Variants in DOCK10 observed in about 807,000 individuals in gnomAD.
The protein encoded by DOCK10 is dedicator of cytokinesis protein 10.
Under a neutral mutation model 280.1 loss-of-function variants are expected in DOCK10, and 145 were observed. That is an observed-to-expected ratio of 0.52 (90% CI 0.45 to 0.59). The LOEUF is 0.59. Among genes scored for constraint, DOCK10 ranks in the 20% least tolerant of loss-of-function variants. The probability of loss-of-function intolerance (pLI) is 0.00; values close to 1 mark genes in which losing one functional copy is unlikely to be tolerated. For synonymous variants in DOCK10, 915 were observed against 942.2 expected (o/e 0.97, Z 0.53); for missense variants, 2,368 against 2,651.7 (o/e 0.89, Z 2.35).
At chr2:225,015,852 C>G (rs191582594) in intron 1 of DOCK10, among the ~76,000 whole-genome samples, 44 of 152,084 alleles carry the variant, frequency 2.9e-4, no homozygotes, top group Admixed American at 1.2e-3. Context: ...TTGTATTTAC[C>G]TTTACATTTG....
intron 1 of DOCK10, among the ~76,000 whole-genome samples, chr2:224,955,615 A>T (rs1013148052): frequency 2.0e-5 from 3 of 152,324 alleles, no homozygotes; most frequent in East Asian, 3.9e-4. Context: ...CAATACTTTG[A>T]TTTAAGTGTT....
At chr2:224,870,331 C>A (rs1309108277) in intron 11 of DOCK10, among the ~76,000 whole-genome samples, 2 of 152,172 alleles carry the variant, frequency 1.3e-5, no homozygotes. Flanking sequence ...TTGGGTATGT[C>A]TTTCTTAGCA....
Position 224,789,128 on chromosome 2 carries a change from G to T in DOCK10, c.5354C>A (p.Pro1785Gln), listed in dbSNP as rs115694631. The change falls in exon 48 of 56, where the codon CCA (proline) becomes CAA (glutamine). Residue 1785 changes from proline (P) to glutamine (Q), a missense_variant. Physicochemically the swap from Pro to Gln is moderately conservative, Grantham distance 76. This residue lies in a region of DOCK10 where 1,159 missense variants were observed against 1,400.8 expected (regional missense o/e 0.83). Transcript: ENST00000258390. ...CATCGCTCCTTCTTCCTTAATGTTT[G>T]GTGTAATGCTCAAAAAAGCTGGCCA... ...MGWPAFLSITPNIKEEGAMKE... is the reference protein window; with the variant it reads ...MGWPAFLSITQNIKEEGAMKE... 2,488 of 1,613,568 alleles carry T rather than the reference G, an allele frequency of 1.5e-3. 38 individuals are homozygous for T. The African/African-American group carries it at 0.028, about 18-fold the overall frequency.
chr2:224,776,930 T>C (rs1466251822), intron 51 of DOCK10, among the ~76,000 whole-genome samples: 2 of 152,216 alleles, frequency 1.3e-5, no homozygotes, highest in Non-Finnish European at 2.9e-5. Flanking sequence ...CTTGTACAAC[T>C]TGGACTTTGA....
intron 28 of DOCK10, among the ~76,000 whole-genome samples, chr2:224,821,700 A>G (rs1006727557): frequency 7.9e-5 from 12 of 152,190 alleles, no homozygotes; most frequent in African/African-American, 2.4e-4. Context: ...TTTAGGGAAG[A>G]ATATTTCAGA....
chr2:224,940,251 T>C (rs1399694681), intron 1 of DOCK10, among the ~76,000 whole-genome samples: 1 of 152,214 alleles, frequency 6.6e-6, no homozygotes, highest in Non-Finnish European at 1.5e-5. Context: ...TGAGCTTCTC[T>C]AAGTCCATTC....
At chr2:224,903,003 C>T (rs1700389157) in intron 3 of DOCK10, among the ~76,000 whole-genome samples, 1 of 152,028 alleles carries the variant, frequency 6.6e-6, no homozygotes, top group African/African-American at 2.4e-5. Flanking sequence ...GAGGCTGAGG[C>T]GGGAGAACGG....
Position 224,794,804 on chromosome 2 carries a change from G to C in DOCK10, c.5154+75C>G, listed in dbSNP as rs557523171. 3.2e-5 allele frequency: 45 copies of C among 1,405,162 alleles called. No homozygotes were observed. The South Asian group carries it at 5.4e-4, about 17-fold the overall frequency. 87.0% of individuals were successfully genotyped at this position (1,405,162 alleles called of 1,614,324 possible). ...AACATGGCATCCTTTTCTAGTCCAT[G>C]CTGTAAATGAAAATCCAATTTTCCT... On this transcript the variant is annotated intron_variant, in intron 45 of 55. Transcript: ENST00000258390.
At chr2:224,998,911 G>T (rs918811921) in intron 1 of DOCK10, among the ~76,000 whole-genome samples, 1 of 152,182 alleles carries the variant, frequency 6.6e-6, no homozygotes, top group Non-Finnish European at 1.5e-5. Context: ...TTATAGCCGG[G>T]TGTGGTGGCT....
intron 4 of DOCK10, among the ~76,000 whole-genome samples, chr2:224,889,793 T>TC (rs1699551063): frequency 6.6e-6 from 1 of 152,206 alleles, no homozygotes; most frequent in Non-Finnish European, 1.5e-5. Context: ...CAAGAAGCAG[T>TC]CTCTCTCACC....
At chr2:224,873,540 TG>T (rs1342398119) in intron 11 of DOCK10, among the ~76,000 whole-genome samples, 1 of 132,330 alleles carries the variant, frequency 7.6e-6, no homozygotes, top group African/African-American at 2.9e-5. Flanking sequence ...GAGGCTGCAG[TG>T]AGCCGAGACT....
chr2:224,825,287 T>C (rs1694773086), intron 27 of DOCK10, among the ~76,000 whole-genome samples: 2 of 152,160 alleles, frequency 1.3e-5, no homozygotes, highest in Non-Finnish European at 2.9e-5. Context: ...CAGACTGGCT[T>C]CTATTTTTAA....
At position 224,807,945 on chromosome 2, in the gene DOCK10, G is replaced by A; in HGVS notation, c.3551C>T (p.Ala1184Val). The A allele has an allele frequency of 1.9e-6, 3 of 1,612,764 alleles. No homozygotes were observed. Among genetic ancestry groups the A allele is most frequent in the Non-Finnish European group, 2.5e-6 (3 of 1,179,334 alleles). The change falls in exon 32 of 56, where the codon GCT becomes GTT. Residue 1184 changes from alanine to valine, a missense_variant. Coordinates refer to ENST00000258390, the MANE Select transcript of DOCK10 (RefSeq NM_014689.3). ...GTATCGATCATCAAATGAATGCTTA[G>A]CCATTAGATTTTTTAGGACAGCTAA... Reference protein sequence around the residue: ...LALAVLKNLMAKHSFDDRYRE... With the variant: ...LALAVLKNLMVKHSFDDRYRE...
intron 2 of DOCK10, among the ~76,000 whole-genome samples, chr2:224,927,016 T>C (rs951426131): frequency 6.6e-6 from 1 of 152,024 alleles, no homozygotes; most frequent in Non-Finnish European, 1.5e-5. Context: ...CCAGTGGTGA[T>C]AAGTGTTATC....
intron 3 of DOCK10, among the ~76,000 whole-genome samples, chr2:224,902,890 G>A (rs966504746): frequency 9.2e-5 from 14 of 151,948 alleles, no homozygotes; most frequent in Non-Finnish European, 1.8e-4. Context: ...TCAGGAGACC[G>A]AGACCATCCT....
chr2:224,828,100 A>G (rs1392692857), intron 27 of DOCK10, among the ~76,000 whole-genome samples: 3 of 152,192 alleles, frequency 2.0e-5, no homozygotes, highest in African/African-American at 4.8e-5. Context: ...CCTTCTGGTG[A>G]TCAGGGCAAT....
rs567311434 is a variant in DOCK10, at chr2:224,774,031, T to C, written c.6014-684A>G. ...CCACAATACAGAATGCCTAAATATA[T>C]ACCAAGTAGTATATATTGATATAGC... On this transcript the variant is annotated intron_variant, in intron 52 of 55. Transcript: ENST00000258390. Among the ~76,000 whole-genome samples, 8 of 152,348 alleles carry C rather than the reference T, an allele frequency of 5.3e-5. No homozygotes were observed. The South Asian group carries it at 1.7e-3, about 32-fold the overall frequency.
At chr2:224,973,741 T>C (rs537925171) in intron 1 of DOCK10, among the ~76,000 whole-genome samples, 1 of 152,270 alleles carries the variant, frequency 6.6e-6, no homozygotes, top group Admixed American at 6.5e-5. Context: ...ATAGGCACCC[T>C]CACGACTCTC....
At chr2:224,810,687 A>C (rs1405234469) in intron 31 of DOCK10, among the ~76,000 whole-genome samples, 3 of 125,928 alleles carry the variant, frequency 2.4e-5, no homozygotes, top group Non-Finnish European at 4.7e-5. Flanking sequence ...TCCTGTGTCC[A>C]TGTGTTCTCA....
Sources: allele counts gnomAD v4.1 joint callset (sites outside exome capture counted in the v4.1 genomes callset), GRCh38; gene constraint gnomAD v4.1.1; regional missense constraint gnomAD v4.1.1; transcripts MANE v1.5; gene names NCBI Gene and HGNC (gene_info 2026-07-23, HGNC 2026-07-21).